Variants in LEP observed in about 807,000 individuals in gnomAD.
The protein encoded by LEP is leptin.
LEP carries 6 observed loss-of-function variants against 9.8 expected under a neutral mutation model. The ratio of observed to expected loss-of-function variants is 0.61; its 90% CI spans 0.34 to 1.21. The LOEUF (loss-of-function observed/expected upper bound fraction) is 1.21, where lower values mean the gene tolerates loss of function less well. Ranked by LOEUF, LEP falls within the 50% of genes most tolerant of loss-of-function variation. The pLI, the probability that LEP is intolerant of heterozygous loss-of-function variation, is 0.04. For synonymous variants in LEP, 112 were observed against 81.7 expected (o/e 1.37, Z -2.00); for missense variants, 134 against 198.1 (o/e 0.68, Z 1.94).
At chr7:128,242,412 C>G (rs997569757) in intron 1 of LEP, among the ~76,000 whole-genome samples, 1 of 152,164 alleles carries the variant, frequency 6.6e-6, no homozygotes, top group Non-Finnish European at 1.5e-5. Flanking sequence ...TTGCCAATCT[C>G]TTTCATATTA....
intron 1 of LEP, among the ~76,000 whole-genome samples, chr7:128,246,834 A>C (rs1477046220): frequency 6.6e-6 from 1 of 152,076 alleles, no homozygotes; most frequent in Admixed American, 6.6e-5. Flanking sequence ...ACCCATGGCA[A>C]GGGATGAGGG....
intron 1 of LEP, among the ~76,000 whole-genome samples, chr7:128,244,552 T>A (rs964401363): frequency 6.6e-6 from 1 of 152,240 alleles, no homozygotes; most frequent in African/African-American, 2.4e-5. Flanking sequence ...TGAATTTTAC[T>A]TCTTGACACT....
intron 1 of LEP, among the ~76,000 whole-genome samples, chr7:128,245,262 G>A (rs1795198158): frequency 1.3e-5 from 2 of 152,096 alleles, no homozygotes; most frequent in South Asian, 2.1e-4. Flanking sequence ...CCTGGGGAAC[G>A]CCTGTCCTTC....
At chr7:128,245,780 TG>T (rs1430533630) in intron 1 of LEP, among the ~76,000 whole-genome samples, 2 of 152,148 alleles carry the variant, frequency 1.3e-5, no homozygotes, top group African/African-American at 4.8e-5. Flanking sequence ...GAGCAGCAGA[TG>T]GGCCAGGCTC....
intron 1 of LEP, among the ~76,000 whole-genome samples, chr7:128,246,934 A>C (rs1406115412): frequency 1.3e-5 from 2 of 152,176 alleles, no homozygotes; most frequent in African/African-American, 2.4e-5. Context: ...GAAGTGGGCC[A>C]TGAGGGAGAC....
At position 128,254,317 on chromosome 7, in the gene LEP, C is replaced by T. The variant is rs1230610890; in HGVS notation, c.145-87C>T. On this transcript the variant is annotated intron_variant, in intron 2 of 2. Coordinates refer to ENST00000308868, the MANE Select transcript of LEP (RefSeq NM_000230.3). ...GGAAGGAGGCAGCCCAGAGAATGACCCTCCATGCCCACGGGGAAGGCAGAG... is the reference window on the plus strand; with the variant it reads ...GGAAGGAGGCAGCCCAGAGAATGACTCTCCATGCCCACGGGGAAGGCAGAG... The T allele has an allele frequency of 2.6e-6, 4 of 1,561,140 alleles. No individual in the cohort carries two copies. In the East Asian group the frequency reaches 6.7e-5, roughly 26 times the overall value.
At chr7:128,248,020 C>T (rs778426710) in intron 1 of LEP, among the ~76,000 whole-genome samples, 3 of 152,190 alleles carry the variant, frequency 2.0e-5, no homozygotes, top group Non-Finnish European at 4.4e-5. Context: ...AGGCCCAATG[C>T]GGTGGCTCAC....
At chr7:128,248,833 A>G (rs1795243432) in intron 1 of LEP, among the ~76,000 whole-genome samples, 1 of 152,082 alleles carries the variant, frequency 6.6e-6, no homozygotes, top group South Asian at 2.1e-4. Flanking sequence ...GTGTTTCCAT[A>G]TCTTTTTCAT....
intron 1 of LEP, among the ~76,000 whole-genome samples, chr7:128,248,139 A>C (rs1014433768): frequency 7.9e-5 from 12 of 151,982 alleles, no homozygotes; most frequent in Non-Finnish European, 1.5e-4. Context: ...CTAAAAATAC[A>C]AAAAAATGAG....
Position 128,250,976 on chromosome 7 carries a change from C to T in LEP, c.-28-1015C>T, listed in dbSNP as rs918972551. ...CATATTATTTTAATTTTAGAATTCA[C>T]AGTTCCAAGACTTTGAAAGTTTCAA... On this transcript the variant is annotated intron_variant, in intron 1 of 2. Coordinates refer to ENST00000308868, the MANE Select transcript of LEP (RefSeq NM_000230.3). Among the ~76,000 whole-genome samples the T allele has an allele frequency of 6.2e-4, 95 of 152,176 alleles. 1 individual carries two copies. Among genetic ancestry groups the T allele is most frequent in the Non-Finnish European group, 7.3e-5 (5 of 68,030 alleles).
At chr7:128,252,514 G>A (rs769824737) in intron 2 of LEP, among the ~76,000 whole-genome samples, 2 of 152,108 alleles carry the variant, frequency 1.3e-5, no homozygotes, top group Non-Finnish European at 2.9e-5. Context: ...AGGATCATTC[G>A]AGCCCAAGAG....
At chr7:128,242,044 T>C (rs1795158274) in intron 1 of LEP, among the ~76,000 whole-genome samples, 1 of 152,236 alleles carries the variant, frequency 6.6e-6, no homozygotes, top group Non-Finnish European at 1.5e-5. Flanking sequence ...GGCTCACCTA[T>C]AGCCTTCCTT....
intron 1 of LEP, among the ~76,000 whole-genome samples, chr7:128,249,228 A>T (rs1426028534): frequency 6.6e-6 from 1 of 152,228 alleles, no homozygotes; most frequent in African/African-American, 2.4e-5. Context: ...CATTTAGCAG[A>T]GACCCAAAAG....
intron 1 of LEP, among the ~76,000 whole-genome samples, chr7:128,245,525 T>A (rs1795200871): frequency 6.6e-6 from 1 of 152,058 alleles, no homozygotes; most frequent in Non-Finnish European, 1.5e-5. Flanking sequence ...CTTGGAGTTA[T>A]GAAGAAAGGA....
intron 2 of LEP, 146 bp from the exon 3 acceptor site, chr7:128,254,258 T>C (rs1795308973): frequency 3.0e-6 from 3 of 1,008,934 alleles, no homozygotes; most frequent in South Asian, 2.7e-5. Context: ...GGGTGCAGGA[T>C]ACAAGGGCCT....
intron 1 of LEP, among the ~76,000 whole-genome samples, chr7:128,246,083 A>T (rs371233620): frequency 1.4e-4 from 21 of 152,094 alleles, no homozygotes; most frequent in East Asian, 3.9e-4. Flanking sequence ...AAAAAATAAA[A>T]AAATAAAAAA....
At position 128,254,997 on chromosome 7, in the gene LEP, CA is replaced by C; in HGVS notation, c.*237del. ...CTCACCAGGAAGGGGGTCCACCCAGCAAAGAGTGGGCTGCATCTGGGATTCC... is the reference window on the plus strand; with the variant it reads ...CTCACCAGGAAGGGGGTCCACCCAGCAAGAGTGGGCTGCATCTGGGATTCC... On this transcript the variant is annotated 3_prime_UTR_variant, in exon 3 of 3. Coordinates refer to ENST00000308868, the MANE Select transcript of LEP (RefSeq NM_000230.3). 1.8e-6 allele frequency: 1 copy of C among 547,216 alleles called. No homozygotes were observed. The highest frequency in any genetic ancestry group is 2.0e-5 in the South Asian group (1 of 50,076). The allele number at this position is 547,216 out of a possible 1,614,324, so 33.9% of individuals were successfully genotyped here.
At chr7:128,254,152 G>A (rs578086827) in intron 2 of LEP, among the ~76,000 whole-genome samples, 6 of 152,178 alleles carry the variant, frequency 3.9e-5, no homozygotes, top group Non-Finnish European at 7.3e-5. Context: ...TGTAGAGAAA[G>A]GAATGACCTA....
At chr7:128,244,769 G>A (rs900286222) in intron 1 of LEP, among the ~76,000 whole-genome samples, 15 of 152,176 alleles carry the variant, frequency 9.9e-5, no homozygotes, top group African/African-American at 2.7e-4. Context: ...GGCTATGTGG[G>A]CTCTGGTCTC....
Sources: gnomAD v4.1 joint callset for allele counts (sites outside exome capture counted in the v4.1 genomes callset) on GRCh38, gnomAD v4.1.1 for gene constraint, MANE v1.5 for transcripts, NCBI Gene and HGNC (gene_info 2026-07-23, HGNC 2026-07-21) for gene names.